Variants in ITGA9 observed in about 807,000 individuals in gnomAD.
The protein encoded by ITGA9 is integrin subunit alpha 9.
In ITGA9, 56 loss-of-function variants were observed where a neutral mutation model predicts 127.8. The observed-to-expected ratio is 0.44, with a 90% CI of 0.35 to 0.55. ITGA9 has a LOEUF of 0.55. ITGA9 is among the 20% of genes least tolerant of loss of function. The pLI, the probability that ITGA9 is intolerant of heterozygous loss-of-function variation, is 0.00. For synonymous variants in ITGA9, 508 were observed against 514.5 expected (o/e 0.99, Z 0.17); for missense variants, 1,196 against 1,347.1 (o/e 0.89, Z 1.76).
intron 17 of ITGA9, among the ~76,000 whole-genome samples, chr3:37,657,142 A>G (rs918176742): frequency 2.6e-5 from 4 of 152,062 alleles, no homozygotes; most frequent in Non-Finnish European, 5.9e-5. Flanking sequence ...GGATATTGAC[A>G]TGAAATTTTC....
intron 16 of ITGA9, among the ~76,000 whole-genome samples, chr3:37,637,668 T>TTTTTGG (rs1425836388): frequency 6.6e-6 from 1 of 151,974 alleles, no homozygotes; most frequent in Non-Finnish European, 1.5e-5. Flanking sequence ...TATGTTTTTG[T>TTTTTGG]TTTTGTTTTT....
At chr3:37,702,461 C>G (rs1422387552) in intron 18 of ITGA9, among the ~76,000 whole-genome samples, 5 of 152,132 alleles carry the variant, frequency 3.3e-5, no homozygotes, top group Non-Finnish European at 7.4e-5. Flanking sequence ...GAGGTCTTCT[C>G]CAAGGTATCA....
At chr3:37,488,917 T>C (rs1385172894) in intron 4 of ITGA9, among the ~76,000 whole-genome samples, 1 of 152,198 alleles carries the variant, frequency 6.6e-6, no homozygotes, top group African/African-American at 2.4e-5. Context: ...ATCACCACCA[T>C]CCATCCCCAG....
chr3:37,802,129 A>G (rs1392960907), intron 26 of ITGA9, among the ~76,000 whole-genome samples: 4 of 152,220 alleles, frequency 2.6e-5, no homozygotes. Flanking sequence ...TACACAATCC[A>G]GAGCAAATAT....
At chr3:37,692,067 G>A (rs2125667786) in intron 18 of ITGA9, among the ~76,000 whole-genome samples, 1 of 152,258 alleles carries the variant, frequency 6.6e-6, no homozygotes, top group Admixed American at 6.5e-5. Context: ...TGTGGCCTTG[G>A]CTCAAGGGTC....
At chr3:37,625,013 G>A (rs1309921125) in intron 15 of ITGA9, among the ~76,000 whole-genome samples, 1 of 152,158 alleles carries the variant, frequency 6.6e-6, no homozygotes, top group Non-Finnish European at 1.5e-5. Flanking sequence ...ATCTGGTTCT[G>A]CATGAATCTT....
chr3:37,537,782 GAC>G (rs1699224959), intron 14 of ITGA9, among the ~76,000 whole-genome samples: 1 of 152,228 alleles, frequency 6.6e-6, no homozygotes, highest in Non-Finnish European at 1.5e-5. Context: ...GACACAGACA[GAC>G]ACAGACTTCT....
chr3:37,503,124 C>G, intron 5 of ITGA9, 54 bp from the exon 6 acceptor site: 11 of 1,603,840 alleles, frequency 6.9e-6, no homozygotes, highest in South Asian at 6.6e-5. Flanking sequence ...ATTGCATTCC[C>G]CTCCTCCCCT....
intron 13 of ITGA9, 115 bp downstream of exon 13, chr3:37,526,186 G>A: frequency 1.1e-6 from 1 of 902,978 alleles, no homozygotes; most frequent in Admixed American, 1.8e-5. Context: ...GAGGTGCTTA[G>A]TAAGTGGAAA....
intron 9 of ITGA9, among the ~76,000 whole-genome samples, chr3:37,515,772 G>C (rs980974575): frequency 1.3e-5 from 2 of 152,124 alleles, no homozygotes; most frequent in African/African-American, 4.8e-5. Flanking sequence ...AGGTGCAGTG[G>C]TGGTTGCCTA....
intron 15 of ITGA9, among the ~76,000 whole-genome samples, chr3:37,555,441 T>C (rs189073292): frequency 6.6e-6 from 1 of 152,370 alleles, no homozygotes; most frequent in East Asian, 1.9e-4. Context: ...ACTTTTTACT[T>C]TTCTATACTT....
chr3:37,744,946 T>G (rs1290248929), intron 22 of ITGA9, among the ~76,000 whole-genome samples: 1 of 152,152 alleles, frequency 6.6e-6, no homozygotes, highest in Non-Finnish European at 1.5e-5. Flanking sequence ...GTGGATGAAG[T>G]GAAGGAGATG....
chr3:37,769,945 A>G (rs145012907), intron 23 of ITGA9, among the ~76,000 whole-genome samples: 16 of 152,288 alleles, frequency 1.1e-4, no homozygotes, highest in Non-Finnish European at 2.4e-4. Flanking sequence ...GGTGCAAGGA[A>G]GATGGAGTGG....
In ITGA9 at chr3:37,481,470, C is replaced by A. The variant is rs748794477; in HGVS notation, c.421-14C>A. On this transcript the variant is annotated splice_polypyrimidine_tract_variant and intron_variant, in intron 3 of 27. Coordinates refer to ENST00000264741, the MANE Select transcript of ITGA9 (RefSeq NM_002207.3). ...GCCAACTTTCCTGCTCTCAACTGCT[C>A]TCTATCCCTTTAGGCCTGTGCTCAT... The A allele has an allele frequency of 7.4e-6, 12 of 1,614,080 alleles. No homozygotes were observed. In the East Asian group the frequency reaches 2.7e-4, roughly 36 times the overall value.
At chr3:37,769,338 C>CAAAAAAAAAAAAAAAAAAATAAAA (rs35133772) in intron 23 of ITGA9, among the ~76,000 whole-genome samples, 1 of 114,354 alleles carries the variant, frequency 8.7e-6, no homozygotes, top group Non-Finnish European at 1.8e-5. Flanking sequence ...AACTCTGTCT[C>CAAAAAAAAAAAAAAAAAAATAAAA]AAAAAAAAAA....
intron 23 of ITGA9, among the ~76,000 whole-genome samples, chr3:37,755,136 A>C (rs1195515618): frequency 6.6e-6 from 1 of 152,192 alleles, no homozygotes; most frequent in Non-Finnish European, 1.5e-5. Context: ...TGTCAAATTT[A>C]ATCCTTATGG....
At chr3:37,804,599 G>A (rs547617715) in intron 27 of ITGA9, among the ~76,000 whole-genome samples, 5 of 152,110 alleles carry the variant, frequency 3.3e-5, no homozygotes, top group Non-Finnish European at 7.3e-5. Context: ...AATGGTATTG[G>A]AGGCTTTAGC....
Position 37,510,201 on chromosome 3 carries a change from C to T in ITGA9, c.897+1574C>T, listed in dbSNP as rs187571459. Among the ~76,000 whole-genome samples, 331 of 152,068 alleles carry T rather than the reference C, an allele frequency of 2.2e-3. 2 individuals are homozygous for T. Among genetic ancestry groups the T allele is most frequent in the African/African-American group, 7.4e-3 (307 of 41,472 alleles). ...ATTTTTTTTTGTAGAGATGGGGTTTCACCATGTTGCCCAGGCTGGTCTCAG... is the reference window on the plus strand; with the variant it reads ...ATTTTTTTTTGTAGAGATGGGGTTTTACCATGTTGCCCAGGCTGGTCTCAG... On this transcript the variant is annotated intron_variant, in intron 8 of 27. Coordinates refer to ENST00000264741, the MANE Select transcript of ITGA9 (RefSeq NM_002207.3).
chr3:37,702,562 A>G (rs1700958795), intron 18 of ITGA9, among the ~76,000 whole-genome samples: 1 of 152,046 alleles, frequency 6.6e-6, no homozygotes, highest in Admixed American at 6.6e-5. Context: ...CTCCCCTCAA[A>G]AGGCAGAATG....
Sources: gnomAD v4.1 joint callset for allele counts (sites outside exome capture counted in the v4.1 genomes callset) on GRCh38, gnomAD v4.1.1 for gene constraint, MANE v1.5 for transcripts, NCBI Gene and HGNC (gene_info 2026-07-23, HGNC 2026-07-21) for gene names.